HERC1: variants seen among roughly 807,000 people sequenced by gnomAD.
The protein encoded by HERC1 is HECT and RLD domain containing E3 ubiquitin protein ligase family member 1, also known as probable E3 ubiquitin-protein ligase HERC1.
A neutral mutation model predicts 554.3 loss-of-function variants in HERC1; 160 were observed. That is an observed-to-expected ratio of 0.29 (90% CI 0.25 to 0.33). The LOEUF (loss-of-function observed/expected upper bound fraction) is 0.33, where lower values mean the gene tolerates loss of function less well. Among genes scored for constraint, HERC1 ranks in the 10% least tolerant of loss-of-function variants. The pLI is 1.00. For missense variants in HERC1, 4,919 were observed against 5,918.5 expected, an observed-to-expected ratio of 0.83 and a Z score of 5.54; for synonymous variants, 2,175 against 2,131.7, an observed-to-expected ratio of 1.02 and a Z score of -0.56.
intron 26 of HERC1, among the ~76,000 whole-genome samples, chr15:63,698,320 A>C (rs2072539589): frequency 6.6e-6 from 1 of 151,102 alleles, no homozygotes; most frequent in Non-Finnish European, 1.5e-5. Context: ...CTGGAGGCTG[A>C]GGCAGGAGAA....
intron 26 of HERC1, among the ~76,000 whole-genome samples, chr15:63,696,911 T>C (rs910813786): frequency 2.0e-4 from 30 of 151,278 alleles, no homozygotes; most frequent in African/African-American, 7.1e-4. Context: ...TCACTGTAGT[T>C]GATCAGCTTA....
chr15:63,651,487 A>AAGAATCAG, intron 52 of HERC1, 107 bp from the exon 53 acceptor site: 1 of 1,036,190 alleles, frequency 9.7e-7, no homozygotes, highest in Non-Finnish European at 1.4e-6. Context: ...TGTATAACTG[A>AAGAATCAG]TTCTTCTGTT....
At chr15:63,729,409 T>C (rs2074181778) in intron 15 of HERC1, 41 bp from the exon 16 acceptor site, 1 of 1,595,838 alleles carries the variant, frequency 6.3e-7, no homozygotes, top group Non-Finnish European at 8.5e-7. Flanking sequence ...CTTTGAAAGA[T>C]TCAAGGTGTA....
chr15:63,726,430 T>C (rs76744224), intron 17 of HERC1, among the ~76,000 whole-genome samples: 3,664 of 152,104 alleles, frequency 0.024, 66 homozygotes, highest in Non-Finnish European at 0.034. Flanking sequence ...ATAAGTTATC[T>C]AAAAGGAAAA....
chr15:63,828,661 G>A (rs1279047465), intron 1 of HERC1, among the ~76,000 whole-genome samples: 1 of 152,014 alleles, frequency 6.6e-6, no homozygotes, highest in Admixed American at 6.6e-5. Flanking sequence ...TTATACAGTA[G>A]TGTTTAGTAG....
chr15:63,737,440 ATATC>A (rs1229970972), intron 12 of HERC1, among the ~76,000 whole-genome samples: 1 of 127,490 alleles, frequency 7.8e-6, no homozygotes, highest in African/African-American at 3.0e-5. Context: ...ATATATATAT[ATATC>A]TTTTTTCCAG....
chr15:63,693,569 A>C (rs1464364120), intron 30 of HERC1, among the ~76,000 whole-genome samples: 1 of 143,200 alleles, frequency 7.0e-6, no homozygotes, highest in Non-Finnish European at 1.6e-5. Flanking sequence ...GTCAGGACTT[A>C]GGTTAGAGAT....
intron 47 of HERC1, among the ~76,000 whole-genome samples, chr15:63,659,361 T>C (rs1371751993): frequency 1.3e-5 from 2 of 152,158 alleles, no homozygotes; most frequent in Non-Finnish European, 2.9e-5. Flanking sequence ...AAACAATTTT[T>C]CTGCCTCAGC....
Position 63,608,848 on chromosome 15 carries a change from T to A in HERC1, c.*233A>T. 1 of 377,078 alleles carries A rather than the reference T, an allele frequency of 2.7e-6. No individual in the cohort carries two copies. The highest frequency in any genetic ancestry group is 4.7e-6 in the Non-Finnish European group (1 of 211,594). 23.4% of individuals were successfully genotyped at this position (377,078 alleles called of 1,614,324 possible). A position where few individuals can be genotyped will look rare whatever the true frequency, so the allele number is the denominator to read the frequency against. On this transcript the variant is annotated 3_prime_UTR_variant, in exon 78 of 78. Transcript: ENST00000443617. Reference sequence around the variant, plus strand: ...AACTTATCAAAAGTGACCAAAAATATGGAGGGAAAAACCTGACTGAGAGCA... The same window carrying A: ...AACTTATCAAAAGTGACCAAAAATAAGGAGGGAAAAACCTGACTGAGAGCA...
Position 63,612,207 on chromosome 15 carries a change from C to T in HERC1, c.14400+44G>A. ...TGTCTCAACAAAAACAACAATGAAGCAATAAGGCAGACATTACAAAGGAAA... is the reference window on the plus strand; with the variant it reads ...TGTCTCAACAAAAACAACAATGAAGTAATAAGGCAGACATTACAAAGGAAA... On this transcript the variant is annotated intron_variant, in intron 77 of 77. Transcript: ENST00000443617. This position sits in a 1 kb window ranked among gnomAD's most constrained non-coding sequence, Gnocchi z 5.0. 6.7e-7 allele frequency: 1 copy of T among 1,494,128 alleles called. No homozygotes were observed. The highest frequency in any genetic ancestry group is 9.1e-7 in the Non-Finnish European group (1 of 1,102,560). The allele number at this position is 1,494,128 out of a possible 1,614,324, so 92.6% of individuals were successfully genotyped here.
At chr15:63,650,037 A>G (rs1238910371) in intron 53 of HERC1, 112 bp from the exon 54 acceptor site, 11 of 686,130 alleles carry the variant, frequency 1.6e-5, no homozygotes, top group South Asian at 7.6e-5. Context: ...TCCAAATTTC[A>G]TAATAGCCTA....
chr15:63,680,330 A>G lies in HERC1; in HGVS notation c.6466-170T>C, dbSNP rs1717295023. On this transcript the variant is annotated intron_variant, in intron 35 of 77. Transcript: ENST00000443617. The surrounding 1 kb of genome is among the most constrained non-coding windows in gnomAD (Gnocchi z 5.8). ...AAAATTCTACATATAATAAGTGATC[A>G]TAATGTGTTCATCTGTTTCAAAAAT... 6.6e-6 allele frequency among the ~76,000 whole-genome samples: 1 copy of G among 152,228 alleles called. No individual in the cohort carries two copies. Among genetic ancestry groups the G allele is most frequent in the Admixed American group, 6.5e-5 (1 of 15,288 alleles).
chr15:63,688,833 G>A (rs772089628), intron 33 of HERC1, among the ~76,000 whole-genome samples: 1 of 152,082 alleles, frequency 6.6e-6, no homozygotes, highest in Admixed American at 6.6e-5. Context: ...TTGCGTTTGG[G>A]AAACTAGGTG....
chr15:63,786,932 T>A (rs2076471116), intron 1 of HERC1, among the ~76,000 whole-genome samples: 2 of 150,530 alleles, frequency 1.3e-5, no homozygotes, highest in Admixed American at 6.6e-5. Context: ...TTTTTTTTTT[T>A]TTATTTTTTG....
Position 63,694,763 on chromosome 15 carries a change from C to A in HERC1, c.5242+11G>T, listed in dbSNP as rs759108353. On this transcript the variant is annotated intron_variant, in intron 28 of 77. Transcript: ENST00000443617. This position sits in a 1 kb window ranked among gnomAD's most constrained non-coding sequence, Gnocchi z 4.3. ...ACCTGCACTGTACATTTGCAGGAAC[C>A]GTTTACTTACCAATGTGATGCTTGT... 1.2e-6 allele frequency: 2 copies of A among 1,613,886 alleles called. No individual in the cohort carries two copies. The highest frequency in any genetic ancestry group is 8.5e-7 in the Non-Finnish European group (1 of 1,179,850).
chr15:63,757,845 G>T (rs772522705), intron 4 of HERC1, among the ~76,000 whole-genome samples: 1 of 152,014 alleles, frequency 6.6e-6, no homozygotes, highest in Non-Finnish European at 1.5e-5. Context: ...GAGTAGCTGG[G>T]ACTACAGGCA....
At position 63,832,319 on chromosome 15, in the gene HERC1, A is replaced by C. The variant is rs78044194; in HGVS notation, c.-27+1508T>G. 7.3e-3 allele frequency among the ~76,000 whole-genome samples: 1,116 copies of C among 152,254 alleles called. 15 individuals are homozygous for C. Among genetic ancestry groups the C allele is most frequent in the African/African-American group, 0.026 (1,074 of 41,534 alleles). On this transcript the variant is annotated intron_variant, in intron 1 of 77. Transcript: ENST00000443617. ...TACATATATACGTACATTTATGCAT[A>C]AGACAGGCACCTAGGACATTCAATT...
intron 24 of HERC1, among the ~76,000 whole-genome samples, chr15:63,711,866 G>T (rs1052451951): frequency 6.6e-6 from 1 of 152,198 alleles, no homozygotes; most frequent in Middle Eastern, 3.4e-3. Flanking sequence ...GCCCAGGGAG[G>T]TCATAGCACA....
At chr15:63,795,004 T>C (rs1003746331) in intron 1 of HERC1, among the ~76,000 whole-genome samples, 1 of 139,526 alleles carries the variant, frequency 7.2e-6, no homozygotes, top group Non-Finnish European at 1.5e-5. Context: ...AGGCGGGGGT[T>C]GCAGTTAGCC....
Sources: allele counts gnomAD v4.1 joint callset (sites outside exome capture counted in the v4.1 genomes callset), GRCh38; gene constraint gnomAD v4.1.1; non-coding constraint Gnocchi (gnomAD v3.1); transcripts MANE v1.5; gene names NCBI Gene and HGNC (gene_info 2026-07-23, HGNC 2026-07-21).